Variants in AMN1 observed in about 807,000 individuals in gnomAD.
AMN1 encodes antagonist of mitotic exit network 1 homolog, also known as protein AMN1 homolog.
In AMN1, 20 loss-of-function variants were observed where a neutral mutation model predicts 33.0. That is an observed-to-expected ratio of 0.61 (90% CI 0.43 to 0.88). The LOEUF (loss-of-function observed/expected upper bound fraction) is 0.88. AMN1 is among the 40% of genes least tolerant of loss of function. The pLI is 0.00. For synonymous variants in AMN1, 114 were observed against 111.9 expected, an observed-to-expected ratio of 1.02 and a Z score of -0.12; for missense variants, 246 against 307.4, an observed-to-expected ratio of 0.80 and a Z score of 1.49.
chr12:31,714,763 C>G (rs1400825752), intron 1 of AMN1: 1 of 224,202 alleles, frequency 4.5e-6, no homozygotes, highest in African/African-American at 2.3e-5. Context: ...ACAAACAACT[C>G]TGGAGCAAGA....
At chr12:31,713,137 T>C (rs1939532873) in intron 1 of AMN1, among the ~76,000 whole-genome samples, 1 of 152,196 alleles carries the variant, frequency 6.6e-6, no homozygotes. Flanking sequence ...AAGAGCTCTT[T>C]GTTGTGGCCA....
chr12:31,710,267 A>T (rs952762503), intron 1 of AMN1, among the ~76,000 whole-genome samples: 12 of 152,150 alleles, frequency 7.9e-5, no homozygotes, highest in African/African-American at 2.7e-4. Context: ...TATGACCAAC[A>T]TATCTTATCT....
At chr12:31,704,102 GAATT>G (rs1939120456) in intron 2 of AMN1, among the ~76,000 whole-genome samples, 1 of 152,050 alleles carries the variant, frequency 6.6e-6, no homozygotes, top group Admixed American at 6.6e-5. Flanking sequence ...GTAAATTGTT[GAATT>G]AATAATAAGC....
chr12:31,695,365 C>T (rs1374674623), intron 5 of AMN1, among the ~76,000 whole-genome samples: 2 of 152,038 alleles, frequency 1.3e-5, no homozygotes, highest in Non-Finnish European at 2.9e-5. Flanking sequence ...CCTGGCATAA[C>T]AGTAAGTGCT....
chr12:31,695,374 C>T (rs935092654), intron 5 of AMN1, among the ~76,000 whole-genome samples: 13 of 152,038 alleles, frequency 8.6e-5, no homozygotes, highest in Non-Finnish European at 4.4e-5. Context: ...ACAGTAAGTG[C>T]TCGACAAATG....
intron 6 of AMN1, among the ~76,000 whole-genome samples, chr12:31,675,597 T>C (rs1461386403): frequency 1.3e-5 from 2 of 151,012 alleles, no homozygotes; most frequent in Non-Finnish European, 2.9e-5. Context: ...CAGGCTCAAG[T>C]GATTCTCCTG....
At chr12:31,694,377 G>T (rs1208003865) in intron 5 of AMN1, among the ~76,000 whole-genome samples, 1 of 150,424 alleles carries the variant, frequency 6.6e-6, no homozygotes, top group Non-Finnish European at 1.5e-5. Context: ...GGGAGACGGA[G>T]GTTGCAGTGA....
At position 31,707,188 on chromosome 12, in the gene AMN1, A is replaced by AGAATAAAATT. The variant is rs1467393963; in HGVS notation, c.171+2095_171+2104dup. Among the ~76,000 whole-genome samples the AGAATAAAATT allele has an allele frequency of 1.2e-4, 19 of 152,356 alleles. No homozygotes were observed. In the East Asian group the frequency reaches 3.7e-3, roughly 29 times the overall value. ...TTTTTTCAGTAAAATAAGACTAAAT[A>AGAATAAAATT]GAATAAAATTAAATAGAAAAGACCA... On this transcript the variant is annotated intron_variant, in intron 2 of 6. Transcript: ENST00000281471.
Position 31,712,089 on chromosome 12 carries a change from T to G in AMN1, c.39-2664A>C, listed in dbSNP as rs548793521. Among the ~76,000 whole-genome samples, 15 of 135,542 alleles carry G rather than the reference T, an allele frequency of 1.1e-4. No homozygotes were observed. The South Asian group carries it at 4.1e-3, about 37-fold the overall frequency. The allele number at this position is 135,542 out of a possible 152,430, so 88.9% of individuals were successfully genotyped here. A position where few individuals can be genotyped will look rare whatever the true frequency, so the allele number is the denominator to read the frequency against. ...CCCTCCCTCCTTCCCTACCTCCCTCTCTCCCGAGATGGGGTCTTGCTCTGT... is the reference window on the plus strand; with the variant it reads ...CCCTCCCTCCTTCCCTACCTCCCTCGCTCCCGAGATGGGGTCTTGCTCTGT... On this transcript the variant is annotated intron_variant, in intron 1 of 6. Coordinates refer to ENST00000281471, the MANE Select transcript of AMN1 (RefSeq NM_001113402.2).
chr12:31,689,054 CAGTA>C lies in AMN1; in HGVS notation c.652_655del (p.Tyr218ValfsTer14). On this transcript the variant is annotated frameshift_variant, in exon 6 of 7. Coordinates refer to ENST00000281471, the MANE Select transcript of AMN1 (RefSeq NM_001113402.2). LOFTEE classifies it high-confidence loss of function. ...GAAGAGTAATATACGTATTTGAGGA[CAGTA>C]AGTAAGGACAGCTTCGACAGCCCCA... The C allele has an allele frequency of 1.2e-6, 2 of 1,613,474 alleles. No individual in the cohort carries two copies. The highest frequency in any genetic ancestry group is 1.7e-6 in the Non-Finnish European group (2 of 1,179,692).
At chr12:31,698,759 A>G (rs1938849856) in intron 3 of AMN1, among the ~76,000 whole-genome samples, 1 of 151,910 alleles carries the variant, frequency 6.6e-6, no homozygotes, top group Admixed American at 6.6e-5. Context: ...TTTTCTTAAG[A>G]CCAGTTATTT....
At chr12:31,704,511 T>C (rs1395061104) in intron 2 of AMN1, among the ~76,000 whole-genome samples, 1 of 151,856 alleles carries the variant, frequency 6.6e-6, no homozygotes, top group Non-Finnish European at 1.5e-5. Context: ...TTTTTTTTCT[T>C]CTTGCCATAA....
chr12:31,679,500 C>T (rs1186917777), intron 6 of AMN1, among the ~76,000 whole-genome samples: 1 of 152,116 alleles, frequency 6.6e-6, no homozygotes, highest in Non-Finnish European at 1.5e-5. Context: ...CACTGCACTC[C>T]AGCCTGGGCA....
intron 1 of AMN1, among the ~76,000 whole-genome samples, chr12:31,719,533 T>C (rs1327548187): frequency 2.0e-5 from 3 of 152,228 alleles, no homozygotes; most frequent in African/African-American, 4.8e-5. Flanking sequence ...TAAGAACTTA[T>C]GTAGCATTTT....
chr12:31,680,139 T>C (rs1021930435), intron 6 of AMN1, among the ~76,000 whole-genome samples: 1 of 149,632 alleles, frequency 6.7e-6, no homozygotes, highest in Non-Finnish European at 1.5e-5. Context: ...AAAAAAAAGA[T>C]TTAGTAAGTT....
chr12:31,684,570 A>G (rs1488190554), intron 6 of AMN1, among the ~76,000 whole-genome samples: 1 of 150,630 alleles, frequency 6.6e-6, no homozygotes, highest in African/African-American at 2.4e-5. Context: ...TCCCAAGTTC[A>G]TGCCATTCTC....
At chr12:31,719,424 G>A in intron 1 of AMN1, 1 of 527,772 alleles carries the variant, frequency 1.9e-6, no homozygotes, top group Non-Finnish European at 2.4e-6. Context: ...CATTTTGTTA[G>A]GGAAGTAAAA....
chr12:31,679,962 TA>T (rs2139656500), intron 6 of AMN1, among the ~76,000 whole-genome samples: 1 of 151,534 alleles, frequency 6.6e-6, no homozygotes, highest in East Asian at 2.0e-4. Flanking sequence ...CTGTCTCTAC[TA>T]AAAATACAAA....
intron 1 of AMN1, among the ~76,000 whole-genome samples, chr12:31,709,985 C>G (rs1413702247): frequency 6.6e-6 from 1 of 152,164 alleles, no homozygotes; most frequent in East Asian, 1.9e-4. Flanking sequence ...TTTAAATGAC[C>G]AACAAGAATG....
Sources: gnomAD v4.1 joint callset for allele counts (sites outside exome capture counted in the v4.1 genomes callset) on GRCh38, gnomAD v4.1.1 for gene constraint, MANE v1.5 for transcripts, NCBI Gene and HGNC (gene_info 2026-07-23, HGNC 2026-07-21) for gene names.